The following R3HDM2 variants were observed in gnomAD, a reference collection of about 807,000 sequenced individuals.
R3HDM2 encodes the protein R3H domain-containing protein 2.
In R3HDM2, 38 loss-of-function variants were observed where a neutral mutation model predicts 124.5. That is an observed-to-expected ratio of 0.31 (90% confidence interval 0.24 to 0.40). The LOEUF is 0.40. R3HDM2 is among the 10% of genes least tolerant of loss of function. The probability of loss-of-function intolerance (pLI) is 1.00; values close to 1 mark genes in which losing one functional copy is unlikely to be tolerated. For synonymous variants in R3HDM2, 391 were observed against 448.0 expected (o/e 0.87, Z 1.61); for missense variants, 869 against 1,236.9 (o/e 0.70, Z 4.46).
intron 1 of R3HDM2, among the ~76,000 whole-genome samples, chr12:57,424,301 G>A (rs748349211): frequency 6.6e-6 from 1 of 151,706 alleles, no homozygotes; most frequent in Non-Finnish European, 1.5e-5. Flanking sequence ...GGGATTACAG[G>A]CATGTGATAC....
intron 10 of R3HDM2, among the ~76,000 whole-genome samples, chr12:57,294,613 T>C (rs1170875138): frequency 1.3e-5 from 2 of 152,168 alleles, no homozygotes; most frequent in African/African-American, 4.8e-5. Context: ...AAGATTAATG[T>C]AGGCTCTACT....
chr12:57,413,097 G>A (rs2069160028), intron 1 of R3HDM2, among the ~76,000 whole-genome samples: 1 of 151,958 alleles, frequency 6.6e-6, no homozygotes, highest in African/African-American at 2.4e-5. Context: ...AGGTTGCAGT[G>A]AGCTAAGATC....
Position 57,284,011 on chromosome 12 carries a change from G to T in R3HDM2, c.984C>A (p.Ser328Arg). 6.2e-7 allele frequency: 1 copy of T among 1,613,162 alleles called. No homozygotes were observed. Residue 328 changes from serine to arginine, a missense_variant, in exon 13 of 24, where the codon AGC becomes AGA. Ser to Arg is a moderately radical substitution (Grantham distance 110). Around this residue, in one of 2 missense-constraint regions of R3HDM2, gnomAD observed 267 missense variants for 447.7 expected, o/e 0.60. Coordinates refer to ENST00000402412, the MANE Select transcript of R3HDM2 (RefSeq NM_001394031.1). The part of the protein sequence containing the change: ...GLSRTSSSRQ[S>R]STDSELKSLE... The stretch of plus-strand genomic sequence containing the variant: ...GGGATTTGAGTTCGCTGTCTGTGCT[G>T]CTCTGGCGGCTGCTTGAGGTGCGGC...
chr12:57,306,885 C>T (rs1333757059), intron 3 of R3HDM2, among the ~76,000 whole-genome samples: 4 of 152,104 alleles, frequency 2.6e-5, no homozygotes, highest in Non-Finnish European at 4.4e-5. Flanking sequence ...CATGGTGGCA[C>T]GCATCTGTAG....
intron 2 of R3HDM2, among the ~76,000 whole-genome samples, chr12:57,369,195 T>C (rs544013775): frequency 7.3e-4 from 111 of 152,262 alleles, no homozygotes; most frequent in South Asian, 4.4e-3. Flanking sequence ...AAATCACATG[T>C]AGCTCCACCT....
chr12:57,393,797 G>A (rs779594035), intron 2 of R3HDM2, among the ~76,000 whole-genome samples: 1 of 152,112 alleles, frequency 6.6e-6, no homozygotes, highest in Admixed American at 6.6e-5. Flanking sequence ...AAGACAAAGA[G>A]AATCTTGAAA....
At chr12:57,292,986 G>A (rs952914089) in intron 10 of R3HDM2, among the ~76,000 whole-genome samples, 3 of 151,434 alleles carry the variant, frequency 2.0e-5, no homozygotes, top group Non-Finnish European at 4.4e-5. Flanking sequence ...AGTAAGGATC[G>A]AGAAAATAGC....
intron 4 of R3HDM2, 73 bp downstream of exon 4, chr12:57,303,103 T>C: frequency 2.2e-6 from 3 of 1,335,848 alleles, no homozygotes; most frequent in South Asian, 2.5e-5. Context: ...ACAAACTAGA[T>C]ATTCATGACA....
At chr12:57,377,844 T>C (rs1178289178) in intron 2 of R3HDM2, among the ~76,000 whole-genome samples, 2 of 152,078 alleles carry the variant, frequency 1.3e-5, no homozygotes, top group African/African-American at 4.8e-5. Flanking sequence ...TCTCAGAAGT[T>C]TGGGAGGCCG....
intron 2 of R3HDM2, among the ~76,000 whole-genome samples, chr12:57,325,649 A>G (rs2057201484): frequency 6.6e-6 from 1 of 151,776 alleles, no homozygotes; most frequent in African/African-American, 2.4e-5. Context: ...GGCCCAAGCT[A>G]TCCTCCCACC....
intron 15 of R3HDM2, 55 bp from the exon 16 acceptor site, chr12:57,269,504 C>G: frequency 6.3e-7 from 1 of 1,594,892 alleles, no homozygotes; most frequent in African/African-American, 1.3e-5. Flanking sequence ...GCCGCAACAT[C>G]AGCATACTAC....
chr12:57,369,532 T>C (rs2063066726), intron 2 of R3HDM2, among the ~76,000 whole-genome samples: 1 of 152,228 alleles, frequency 6.6e-6, no homozygotes, highest in African/African-American at 2.4e-5. Context: ...CATGTCTTTT[T>C]TTGTACATTC....
In R3HDM2 at chr12:57,319,807, T is replaced by C. The variant is rs114872867; in HGVS notation, c.-35-9344A>G. On this transcript the variant is annotated intron_variant, in intron 2 of 23. Transcript: ENST00000402412. ...AAGATAAACTAAGCATAAAACTGTA[T>C]TTCTTAGGCTGAGGCTCTCTTTTGC... Among the ~76,000 whole-genome samples the C allele has an allele frequency of 5.1e-3, 770 of 152,084 alleles. 5 individuals carry two copies. Among genetic ancestry groups the C allele is most frequent in the African/African-American group, 0.018 (733 of 41,364 alleles).
At chr12:57,297,629 A>T in intron 7 of R3HDM2, 1 of 413,702 alleles carries the variant, frequency 2.4e-6, no homozygotes, top group Non-Finnish European at 4.3e-6. Context: ...TTGTTATACC[A>T]TATCAGAAAT....
At chr12:57,302,766 A>C in intron 4 of R3HDM2, among the ~76,000 whole-genome samples, 1 of 150,650 alleles carries the variant, frequency 6.6e-6, no homozygotes, top group East Asian at 1.9e-4. Context: ...GTGGGGCAGG[A>C]TTTATCATAA....
chr12:57,419,465 A>C (rs1186618454), intron 1 of R3HDM2, among the ~76,000 whole-genome samples: 3 of 150,878 alleles, frequency 2.0e-5, no homozygotes, highest in Non-Finnish European at 3.0e-5. Context: ...TTTTAGAGAC[A>C]GGGTCTCACT....
chr12:57,336,045 A>T (rs2058809735), intron 2 of R3HDM2, among the ~76,000 whole-genome samples: 1 of 151,858 alleles, frequency 6.6e-6, no homozygotes, highest in African/African-American at 2.4e-5. Flanking sequence ...ACCCACAATG[A>T]GATACCATAC....
At chr12:57,369,113 C>T (rs1277014284) in intron 2 of R3HDM2, among the ~76,000 whole-genome samples, 2 of 152,166 alleles carry the variant, frequency 1.3e-5, no homozygotes, top group Non-Finnish European at 2.9e-5. Context: ...CACCTACCCC[C>T]ACTCTCCCAT....
At chr12:57,261,076 T>C (rs1242918289) in intron 19 of R3HDM2, among the ~76,000 whole-genome samples, 1 of 152,142 alleles carries the variant, frequency 6.6e-6, no homozygotes, top group East Asian at 1.9e-4. Context: ...AGTAGGGCCA[T>C]AGGAAAACTG....
Sources: gnomAD v4.1 joint callset for allele counts (sites outside exome capture counted in the v4.1 genomes callset) on GRCh38, gnomAD v4.1.1 for gene constraint, gnomAD v4.1.1 regional missense constraint, MANE v1.5 for transcripts, NCBI Gene and HGNC (gene_info 2026-07-23, HGNC 2026-07-21) for gene names.